Variants in IQSEC3 observed in about 807,000 individuals in gnomAD.
The protein encoded by IQSEC3 is IQ motif and Sec7 domain ArfGEF 3, also known as IQ motif and SEC7 domain-containing protein 3.
A neutral mutation model predicts 105.4 loss-of-function variants in IQSEC3; 50 were observed. That is an observed-to-expected ratio of 0.47 (90% CI 0.38 to 0.60). IQSEC3 has a LOEUF of 0.60. Among genes scored for constraint, IQSEC3 ranks in the 20% least tolerant of loss-of-function variants. The probability of loss-of-function intolerance (pLI) is 0.00; values close to 1 mark genes in which losing one functional copy is unlikely to be tolerated. For missense variants in IQSEC3, 1,415 were observed against 1,630.0 expected (o/e 0.87, Z 2.27); for synonymous variants, 708 against 746.0 (o/e 0.95, Z 0.83).
chr12:116,851 G>A (rs972205926), intron 2 of IQSEC3, among the ~76,000 whole-genome samples: 21 of 152,218 alleles, frequency 1.4e-4, no homozygotes, highest in African/African-American at 4.1e-4. Context: ...TGCCCATAGG[G>A]AAGAGCTAGG....
In IQSEC3 at chr12:162,027, G is replaced by A. The variant is rs782450946; in HGVS notation, c.2545G>A (p.Val849Ile). The change falls in exon 8 of 14, where the codon GTC (valine) becomes ATC (isoleucine). Residue 849 changes from valine to isoleucine, a missense_variant. Transcript: ENST00000538872. Reference protein sequence around the residue: ...LKSNEDHVTYVTKVEKSIVGM... With the variant: ...LKSNEDHVTYITKVEKSIVGM... ...GTCCAATGAGGACCACGTCACGTAC[G>A]TCACCAAGGTGGAGAAGTCCATTGT... is the stretch of plus-strand genomic sequence containing the variant. The A allele has an allele frequency of 1.2e-5, 20 of 1,613,698 alleles. No homozygotes were observed. The highest frequency in any genetic ancestry group is 2.2e-5 in the East Asian group (1 of 44,896).
intron 1 of IQSEC3, among the ~76,000 whole-genome samples, chr12:91,191 C>G (rs1555073297): frequency 1.3e-5 from 2 of 152,168 alleles, no homozygotes; most frequent in Non-Finnish European, 1.5e-5. Flanking sequence ...CTGGGAGCAC[C>G]TCCCTCCCGC....
rs35452141 is a variant in IQSEC3 at position 137,825 on chromosome 12, AT to A, written c.904-427del. ...GTGCGCGCACCAGGACACCCAGTTA[AT>A]TTTTTTTTTTTTTTCAAGAGAGAGA... On this transcript the variant is annotated intron_variant, in intron 3 of 13. Transcript: ENST00000538872. 2.5e-3 allele frequency among the ~76,000 whole-genome samples: 341 copies of A among 139,030 alleles called. 2 individuals carry two copies. Among genetic ancestry groups the A allele is most frequent in the Middle Eastern group, 7.5e-3 (2 of 266 alleles). The allele number at this position is 139,030 out of a possible 152,430, so 91.2% of individuals were successfully genotyped here.
intron 1 of IQSEC3, among the ~76,000 whole-genome samples, chr12:71,862 A>AAGAAATGGGGCCAGGATG (rs1863333310): frequency 6.6e-6 from 1 of 152,244 alleles, no homozygotes; most frequent in South Asian, 2.1e-4. Context: ...TTTCTAGTCT[A>AAGAAATGGGGCCAGGATG]AGAAATGGGG....
chr12:125,951 AG>A (rs782757976), intron 3 of IQSEC3, 39 bp downstream of exon 3: 165 of 1,515,674 alleles, frequency 1.1e-4, no homozygotes, highest in Non-Finnish European at 1.4e-4. Flanking sequence ...AGGGTGGTGA[AG>A]GGGCCCTGCT....
At chr12:69,196 C>G (rs1355405761) in intron 1 of IQSEC3, among the ~76,000 whole-genome samples, 1 of 152,254 alleles carries the variant, frequency 6.6e-6, no homozygotes, top group Non-Finnish European at 1.5e-5. Context: ...CTGTCTCTCC[C>G]ACTGCAACTC....
chr12:169,037 C>G lies in IQSEC3; in HGVS notation c.2996C>G (p.Thr999Arg), dbSNP rs782590782. 2 of 1,614,112 alleles carry G rather than the reference C, an allele frequency of 1.2e-6. No homozygotes were observed. Among genetic ancestry groups the G allele is most frequent in the East Asian group, 4.5e-5 (2 of 44,872 alleles). ...IEWELEKQQG[T>R]KTLSFKPCGA... is the part of the protein sequence containing the mutation. ...GGGGAGCTGGAGAAGCAGCAGGGAACAAAGACACTCTCCTTCAAGCCCTGC... is the reference window on the plus strand; with the variant it reads ...GGGGAGCTGGAGAAGCAGCAGGGAAGAAAGACACTCTCCTTCAAGCCCTGC... The change falls in exon 12 of 14, where the codon ACA becomes AGA. Residue 999 changes from threonine (T) to arginine (R), a missense_variant. This residue lies in a region of IQSEC3 where 419 missense variants were observed against 436.2 expected (regional missense o/e 0.96). Transcript: ENST00000538872.
chr12:75,082 T>C (rs1345787332), intron 1 of IQSEC3, among the ~76,000 whole-genome samples: 1 of 152,274 alleles, frequency 6.6e-6, no homozygotes, highest in East Asian at 1.9e-4. Context: ...TTTAGGTACT[T>C]CAAGGTTATC....
At chr12:161,615 G>A (rs1555096254) in intron 7 of IQSEC3, among the ~76,000 whole-genome samples, 1 of 152,218 alleles carries the variant, frequency 6.6e-6, no homozygotes, top group Non-Finnish European at 1.5e-5. Flanking sequence ...CACAGGGTTA[G>A]CAGGAACATG....
intron 2 of IQSEC3, among the ~76,000 whole-genome samples, chr12:116,328 C>G (rs1865047294): frequency 6.6e-6 from 1 of 152,214 alleles, no homozygotes; most frequent in Non-Finnish European, 1.5e-5. Flanking sequence ...CTGACCCTGG[C>G]TGCAGCCTCA....
At chr12:173,139 C>T (rs1939096345) in intron 13 of IQSEC3, among the ~76,000 whole-genome samples, 1 of 152,306 alleles carries the variant, frequency 6.6e-6, no homozygotes, top group Middle Eastern at 3.4e-3. Context: ...CCAGCGGCTT[C>T]TGCCTGAGTG....
At chr12:160,981 G>C (rs1048712650) in intron 7 of IQSEC3, among the ~76,000 whole-genome samples, 15 of 152,156 alleles carry the variant, frequency 9.9e-5, no homozygotes, top group African/African-American at 3.6e-4. Context: ...CATACACTCA[G>C]CCTTTCTCCT....
chr12:121,027 T>A (rs961305529), intron 2 of IQSEC3, among the ~76,000 whole-genome samples: 18 of 151,920 alleles, frequency 1.2e-4, no homozygotes, highest in African/African-American at 4.4e-4. Flanking sequence ...CCTAAGAGAG[T>A]GGAGAGCCCC....
intron 13 of IQSEC3, chr12:171,606 C>T: frequency 1.8e-6 from 1 of 543,560 alleles, no homozygotes; most frequent in Non-Finnish European, 3.3e-6. Flanking sequence ...GGAGAATTAC[C>T]CCTTAGGCCC....
intron 1 of IQSEC3, among the ~76,000 whole-genome samples, chr12:91,938 A>G (rs561849841): frequency 6.6e-6 from 1 of 152,160 alleles, no homozygotes; most frequent in South Asian, 2.1e-4. Flanking sequence ...CTGCTCCTTG[A>G]TGGCCAAGGA....
intron 13 of IQSEC3, among the ~76,000 whole-genome samples, chr12:173,425 G>T (rs1447984801): frequency 6.6e-6 from 1 of 152,182 alleles, no homozygotes; most frequent in African/African-American, 2.4e-5. Context: ...CCGGGAAAGG[G>T]TGTCCCTGAA....
chr12:118,151 C>T (rs968232355), intron 2 of IQSEC3, among the ~76,000 whole-genome samples: 3 of 152,162 alleles, frequency 2.0e-5, no homozygotes, highest in Non-Finnish European at 4.4e-5. Context: ...CTGCAGGCTG[C>T]GGTGGGATTG....
chr12:85,798 T>C (rs1022421531), intron 1 of IQSEC3, among the ~76,000 whole-genome samples: 2 of 152,210 alleles, frequency 1.3e-5, no homozygotes, highest in Non-Finnish European at 1.5e-5. Flanking sequence ...TGAGGATTAG[T>C]TATAGAGATG....
rs925928388 is a variant in IQSEC3, at chr12:157,520, C to T, written c.2277-8C>T. On this transcript the variant is annotated splice_polypyrimidine_tract_variant and splice_region_variant and intron_variant, in intron 6 of 13. Coordinates refer to ENST00000538872, the MANE Select transcript of IQSEC3 (RefSeq NM_001170738.2). ...TCAGCGTCCGCTCTGCATCTGACCC[C>T]CCCACAGCCAGCGCTACTGCATGTG... The T allele has an allele frequency of 3.7e-6, 6 of 1,607,704 alleles. No individual in the cohort carries two copies. The highest frequency in any genetic ancestry group is 1.3e-5 in the African/African-American group (1 of 74,904).
Sources: gnomAD v4.1 joint callset for allele counts (sites outside exome capture counted in the v4.1 genomes callset) on GRCh38, gnomAD v4.1.1 for gene constraint, gnomAD v4.1.1 regional missense constraint, MANE v1.5 for transcripts, NCBI Gene and HGNC (gene_info 2026-07-23, HGNC 2026-07-21) for gene names.